Variants in CEP170 observed in about 807,000 individuals in gnomAD.
CEP170 encodes centrosomal protein 170, also known as centrosomal protein of 170 kDa.
A neutral mutation model predicts 151.9 loss-of-function variants in CEP170; 21 were observed. The observed-to-expected ratio is 0.14, with a 90% CI of 0.10 to 0.20. The LOEUF (loss-of-function observed/expected upper bound fraction) is 0.20, where lower values mean the gene tolerates loss of function less well. Ranked by LOEUF, CEP170 falls within the 10% of genes least tolerant of loss-of-function variation. The pLI is 1.00. For missense variants in CEP170, 964 were observed against 1,892.9 expected, an observed-to-expected ratio of 0.51 and a Z score of 9.11; for synonymous variants, 356 against 648.8, an observed-to-expected ratio of 0.55 and a Z score of 6.86.
chr1:243,226,741 G>C (rs1028246710), intron 1 of CEP170, among the ~76,000 whole-genome samples: 4 of 152,190 alleles, frequency 2.6e-5, no homozygotes, highest in Non-Finnish European at 5.9e-5. Flanking sequence ...GGTAATCCCA[G>C]CACTTTGGGA....
intron 10 of CEP170, among the ~76,000 whole-genome samples, chr1:243,173,311 C>T (rs891799831): frequency 1.3e-5 from 2 of 151,724 alleles, no homozygotes; most frequent in African/African-American, 2.4e-5. Context: ...CTGCCCGCCT[C>T]GGCCTCCCAA....
chr1:243,194,568 T>C (rs1401256496), intron 7 of CEP170, among the ~76,000 whole-genome samples: 4 of 151,930 alleles, frequency 2.6e-5, no homozygotes, highest in African/African-American at 9.7e-5. Context: ...AAATTCATTA[T>C]GTGGAAGGAT....
intron 15 of CEP170, chr1:243,140,695 T>G (rs1157780745): frequency 1.3e-5 from 2 of 152,222 alleles, no homozygotes; most frequent in African/African-American, 2.4e-5. Context: ...CCATCTATAG[T>G]GCAAATCACA....
intron 8 of CEP170, among the ~76,000 whole-genome samples, chr1:243,188,848 T>C (rs2060097384): frequency 6.6e-6 from 1 of 152,284 alleles, no homozygotes; most frequent in Non-Finnish European, 1.5e-5. Flanking sequence ...TCTGGCTATA[T>C]ACTTTTTATA....
intron 1 of CEP170, among the ~76,000 whole-genome samples, chr1:243,228,299 C>T (rs1480280270): frequency 6.6e-6 from 1 of 152,142 alleles, no homozygotes. Context: ...TGTAAAGCTA[C>T]AACAATCAAC....
intron 13 of CEP170, among the ~76,000 whole-genome samples, chr1:243,158,765 C>A (rs1378870347): frequency 6.6e-6 from 1 of 151,988 alleles, no homozygotes; most frequent in Non-Finnish European, 1.5e-5. Context: ...CTAATAATAT[C>A]TTTTAAAAGC....
chr1:243,216,754 T>A (rs1053956542), intron 3 of CEP170, among the ~76,000 whole-genome samples: 3 of 152,196 alleles, frequency 2.0e-5, no homozygotes, highest in African/African-American at 7.2e-5. Context: ...TGAGTAATCC[T>A]AAATCACAAG....
At chr1:243,205,894 A>C (rs2061381877) in intron 4 of CEP170, among the ~76,000 whole-genome samples, 1 of 151,922 alleles carries the variant, frequency 6.6e-6, no homozygotes, top group South Asian at 2.1e-4. Context: ...GAAGGTCAAC[A>C]AACCCCAAGG....
Position 243,186,348 on chromosome 1 carries a change from T to G in CEP170, c.1183A>C (p.Thr395Pro), listed in dbSNP as rs753973572. 1 of 1,613,574 alleles carries G rather than the reference T, an allele frequency of 6.2e-7. No homozygotes were observed. The highest frequency in any genetic ancestry group is 2.2e-5 in the East Asian group (1 of 44,882). The change falls in exon 9 of 20, where the codon ACT (threonine) becomes CCT (proline). Residue 395 changes from threonine (T) to proline (P), a missense_variant. Coordinates refer to ENST00000366542, the MANE Select transcript of CEP170 (RefSeq NM_014812.3). Reference protein sequence around the residue: ...GAHRRCSKRATLEEHLRRHHS... With the variant: ...GAHRRCSKRAPLEEHLRRHHS... ...TGGCGTCTTAAGTGTTCCTCAAGAGTTGCACGTTTGCTACAGCGCCTGTGA... is the reference window on the plus strand; with the variant it reads ...TGGCGTCTTAAGTGTTCCTCAAGAGGTGCACGTTTGCTACAGCGCCTGTGA...
intron 4 of CEP170, among the ~76,000 whole-genome samples, chr1:243,209,939 T>C (rs568191809): frequency 1.8e-3 from 279 of 152,138 alleles, no homozygotes; most frequent in African/African-American, 6.7e-3. Context: ...ATGATCCGCC[T>C]GCCTCAGCCT....
intron 15 of CEP170, 77 bp from the exon 16 acceptor site, chr1:243,140,184 G>T: frequency 6.5e-7 from 1 of 1,539,782 alleles, no homozygotes; most frequent in Admixed American, 1.9e-5. Flanking sequence ...CAATTTTTAT[G>T]ATTAGACAGA....
rs2057545224 is a variant in CEP170 at position 243,156,305 on chromosome 1, G to T, written c.3827C>A (p.Pro1276His). ...TRLQSAGSAM[P>H]TSSSFKHRIK... ...CCGGTGTTTGAATGAAGAACTAGTAGGCATTGCTGATCCAGCGCTCTGCAA... is the reference window on the plus strand; with the variant it reads ...CCGGTGTTTGAATGAAGAACTAGTATGCATTGCTGATCCAGCGCTCTGCAA... Residue 1276 changes from proline to histidine, a missense_variant, in exon 14 of 20, where the codon CCT becomes CAT. Physicochemically the swap from Pro to His is moderately conservative, Grantham distance 77. Coordinates refer to ENST00000366542, the MANE Select transcript of CEP170 (RefSeq NM_014812.3). 6.3e-7 allele frequency: 1 copy of T among 1,592,198 alleles called. No individual in the cohort carries two copies. Among genetic ancestry groups the T allele is most frequent in the African/African-American group, 1.4e-5 (1 of 73,948 alleles).
intron 1 of CEP170, among the ~76,000 whole-genome samples, chr1:243,230,606 G>C (rs1019124450): frequency 1.3e-5 from 2 of 152,140 alleles, no homozygotes; most frequent in South Asian, 4.1e-4. Context: ...CAGACTAACT[G>C]AAGTAAGAAA....
At chr1:243,181,445 C>A (rs898898630) in intron 10 of CEP170, among the ~76,000 whole-genome samples, 1 of 151,942 alleles carries the variant, frequency 6.6e-6, no homozygotes, top group Non-Finnish European at 1.5e-5. Flanking sequence ...GAGAGACAGC[C>A]CCAAAATACA....
intron 10 of CEP170, among the ~76,000 whole-genome samples, chr1:243,183,031 G>T: frequency 6.6e-6 from 1 of 151,330 alleles, no homozygotes; most frequent in Non-Finnish European, 1.5e-5. Context: ...GTCCTCTGAA[G>T]ACCTGAGATC....
chr1:243,190,056 G>A (rs917004716), intron 8 of CEP170, among the ~76,000 whole-genome samples: 1 of 152,096 alleles, frequency 6.6e-6, no homozygotes, highest in Non-Finnish European at 1.5e-5. Context: ...AGAATGCCAG[G>A]ACATAAGGTA....
chr1:243,194,568 T>G (rs1401256496), intron 7 of CEP170, among the ~76,000 whole-genome samples: 2 of 151,930 alleles, frequency 1.3e-5, no homozygotes, highest in Admixed American at 1.3e-4. Context: ...AAATTCATTA[T>G]GTGGAAGGAT....
At chr1:243,208,849 T>C (rs1257802001) in intron 4 of CEP170, among the ~76,000 whole-genome samples, 1 of 152,104 alleles carries the variant, frequency 6.6e-6, no homozygotes, top group Non-Finnish European at 1.5e-5. Flanking sequence ...TTATGATCTA[T>C]TTTATTCACA....
At chr1:243,207,678 A>T (rs904187936) in intron 4 of CEP170, among the ~76,000 whole-genome samples, 2 of 151,316 alleles carry the variant, frequency 1.3e-5, no homozygotes, top group African/African-American at 2.4e-5. Flanking sequence ...TGAGACATAC[A>T]AAGTATGTTC....
Sources: gnomAD v4.1 joint callset for allele counts (sites outside exome capture counted in the v4.1 genomes callset) on GRCh38, gnomAD v4.1.1 for gene constraint, MANE v1.5 for transcripts, NCBI Gene and HGNC (gene_info 2026-07-23, HGNC 2026-07-21) for gene names.